The following PDGFC variants were observed in gnomAD, a reference collection of about 807,000 sequenced individuals.
The protein encoded by PDGFC is platelet-derived growth factor C.
PDGFC carries 12 observed loss-of-function variants against 35.5 expected under a neutral mutation model. The observed-to-expected ratio is 0.34, with a 90% CI of 0.22 to 0.55. The LOEUF is 0.55. PDGFC is among the 20% of genes least tolerant of loss of function. PDGFC has a pLI of 0.91. For synonymous variants in PDGFC, 159 were observed against 148.8 expected (o/e 1.07, Z -0.50); for missense variants, 322 against 412.4 (o/e 0.78, Z 1.90).
intron 1 of PDGFC, among the ~76,000 whole-genome samples, chr4:156,867,528 A>G (rs1048798346): frequency 1.3e-5 from 2 of 152,214 alleles, no homozygotes; most frequent in Non-Finnish European, 1.5e-5. Flanking sequence ...CTATGTTAAC[A>G]TCACCAAAGC....
At chr4:156,923,024 C>T (rs1474970259) in intron 1 of PDGFC, among the ~76,000 whole-genome samples, 1 of 152,184 alleles carries the variant, frequency 6.6e-6, no homozygotes, top group Non-Finnish European at 1.5e-5. Context: ...AGTCTCTACA[C>T]AAAAGCCAGA....
At chr4:156,953,692 T>C (rs1352635435) in intron 1 of PDGFC, among the ~76,000 whole-genome samples, 1 of 151,942 alleles carries the variant, frequency 6.6e-6, no homozygotes. Context: ...TTACCAACAG[T>C]ATGTGTGTCT....
chr4:156,809,872 CAT>C (rs1049774640), intron 3 of PDGFC, among the ~76,000 whole-genome samples: 5 of 151,914 alleles, frequency 3.3e-5, no homozygotes, highest in African/African-American at 9.6e-5. Flanking sequence ...TATTTTGTCA[CAT>C]GTTTGGGATG....
intron 2 of PDGFC, among the ~76,000 whole-genome samples, chr4:156,814,199 T>A (rs1732017651): frequency 6.6e-6 from 1 of 152,170 alleles, no homozygotes; most frequent in Admixed American, 6.6e-5. Context: ...ACCCTTGCAC[T>A]TAAGAGGCAG....
intron 2 of PDGFC, among the ~76,000 whole-genome samples, chr4:156,841,630 C>T (rs1301161056): frequency 6.6e-6 from 1 of 151,930 alleles, no homozygotes; most frequent in Non-Finnish European, 1.5e-5. Flanking sequence ...CTTCAGCCTC[C>T]CAAGTAACTG....
At chr4:156,929,748 C>G (rs1475950991) in intron 1 of PDGFC, among the ~76,000 whole-genome samples, 1 of 152,190 alleles carries the variant, frequency 6.6e-6, no homozygotes, top group East Asian at 1.9e-4. Context: ...TATTCTCTGG[C>G]TATTTATCCT....
intron 1 of PDGFC, among the ~76,000 whole-genome samples, chr4:156,904,051 G>T (rs939355623): frequency 2.0e-5 from 3 of 152,108 alleles, no homozygotes; most frequent in African/African-American, 7.2e-5. Flanking sequence ...AATTGATTTT[G>T]TAAATGAAAG....
intron 3 of PDGFC, among the ~76,000 whole-genome samples, chr4:156,784,950 T>C (rs1002799943): frequency 1.3e-5 from 2 of 152,118 alleles, no homozygotes; most frequent in African/African-American, 4.8e-5. Flanking sequence ...ATAGAGAAAA[T>C]TAAAAATAAA....
chr4:156,830,946 C>T (rs1271977938), intron 2 of PDGFC, among the ~76,000 whole-genome samples: 1 of 152,152 alleles, frequency 6.6e-6, no homozygotes, highest in African/African-American at 2.4e-5. Flanking sequence ...CAGCATGGTC[C>T]CTACCACACC....
intron 5 of PDGFC, among the ~76,000 whole-genome samples, chr4:156,763,695 T>C (rs891125027): frequency 6.6e-6 from 1 of 152,222 alleles, no homozygotes; most frequent in Non-Finnish European, 1.5e-5. Flanking sequence ...TGCTCAATTA[T>C]GCCACTCATT....
At chr4:156,961,863 A>C (rs1732351252) in intron 1 of PDGFC, among the ~76,000 whole-genome samples, 1 of 152,148 alleles carries the variant, frequency 6.6e-6, no homozygotes, top group South Asian at 2.1e-4. Context: ...CTTTGTTTAC[A>C]TAAAGAAGGC....
chr4:156,944,304 T>A (rs1731883922), intron 1 of PDGFC, among the ~76,000 whole-genome samples: 1 of 152,258 alleles, frequency 6.6e-6, no homozygotes, highest in South Asian at 2.1e-4. Context: ...GTCTTAGCTA[T>A]ATTTATCACT....
intron 1 of PDGFC, among the ~76,000 whole-genome samples, chr4:156,952,091 T>G (rs887759696): frequency 6.6e-6 from 1 of 151,834 alleles, no homozygotes; most frequent in Non-Finnish European, 1.5e-5. Flanking sequence ...AGACACAATA[T>G]ATTTAGGCAA....
intron 2 of PDGFC, among the ~76,000 whole-genome samples, chr4:156,834,755 T>G (rs1037168120): frequency 2.0e-5 from 3 of 152,074 alleles, no homozygotes; most frequent in Admixed American, 6.6e-5. Flanking sequence ...TAACTGTTTT[T>G]GGGGAAAAAA....
chr4:156,796,660 C>T (rs1272128527), intron 3 of PDGFC, among the ~76,000 whole-genome samples: 1 of 151,964 alleles, frequency 6.6e-6, no homozygotes, highest in Non-Finnish European at 1.5e-5. Context: ...GAACCTCAGC[C>T]AAGCTGTATT....
intron 2 of PDGFC, among the ~76,000 whole-genome samples, chr4:156,819,343 C>A (rs994095925): frequency 6.6e-6 from 1 of 151,944 alleles, no homozygotes; most frequent in Non-Finnish European, 1.5e-5. Flanking sequence ...AAAGTCAATG[C>A]CTGGCTTCAA....
At chr4:156,864,794 T>C (rs1309554731) in intron 1 of PDGFC, among the ~76,000 whole-genome samples, 2 of 152,102 alleles carry the variant, frequency 1.3e-5, no homozygotes, top group East Asian at 1.9e-4. Context: ...CTAAATAATG[T>C]CTATAATCCT....
At chr4:156,813,648 T>C (rs1276542024) in intron 2 of PDGFC, among the ~76,000 whole-genome samples, 3 of 152,070 alleles carry the variant, frequency 2.0e-5, no homozygotes, top group Admixed American at 2.0e-4. Flanking sequence ...AAAAATCAGA[T>C]GGAGATCATG....
chr4:156,856,853 A>C (rs2111101775), intron 1 of PDGFC, among the ~76,000 whole-genome samples: 1 of 152,268 alleles, frequency 6.6e-6, no homozygotes, highest in South Asian at 2.1e-4. Context: ...CATCCGTAAT[A>C]ACCTACAAAC....
Sources: allele counts gnomAD v4.1 joint callset (sites outside exome capture counted in the v4.1 genomes callset), GRCh38; gene constraint gnomAD v4.1.1; transcripts MANE v1.5; gene names NCBI Gene and HGNC (gene_info 2026-07-23, HGNC 2026-07-21).